The following SUCLG2 variants were observed in gnomAD, a reference collection of about 807,000 sequenced individuals.
The protein encoded by SUCLG2 is succinate--CoA ligase [GDP-forming] subunit beta, mitochondrial.
In SUCLG2, 42 loss-of-function variants were observed where a neutral mutation model predicts 47.9. The ratio of observed to expected loss-of-function variants is 0.88; its 90% CI spans 0.69 to 1.14. The LOEUF (loss-of-function observed/expected upper bound fraction) is 1.14, where lower values mean the gene tolerates loss of function less well. Ranked by LOEUF, SUCLG2 falls within the 50% of genes most tolerant of loss-of-function variation. SUCLG2 has a pLI of 0.00. For synonymous variants in SUCLG2, 195 were observed against 197.3 expected (o/e 0.99, Z 0.10); for missense variants, 571 against 525.9 (o/e 1.09, Z -0.84).
At chr3:67,577,554 A>C (rs1431268533) in intron 2 of SUCLG2, among the ~76,000 whole-genome samples, 1 of 152,236 alleles carries the variant, frequency 6.6e-6, no homozygotes, top group Non-Finnish European at 1.5e-5. Flanking sequence ...ATGCTAAATA[A>C]AAGACTTTTC....
At chr3:67,626,653 G>A (rs1197365533) in intron 1 of SUCLG2, among the ~76,000 whole-genome samples, 1 of 152,066 alleles carries the variant, frequency 6.6e-6, no homozygotes, top group African/African-American at 2.4e-5. Context: ...AGTTGCTCAC[G>A]CCTGTAATCC....
intron 1 of SUCLG2, among the ~76,000 whole-genome samples, chr3:67,642,951 T>A (rs61508543): frequency 0.037 from 5,175 of 141,618 alleles, 196 homozygotes; most frequent in African/African-American, 0.093. Context: ...TGTGTGTGTG[T>A]GAGAGAGATG....
At chr3:67,440,738 G>A (rs902363444) in intron 9 of SUCLG2, among the ~76,000 whole-genome samples, 9 of 152,338 alleles carry the variant, frequency 5.9e-5, no homozygotes, top group African/African-American at 2.2e-4. Flanking sequence ...ACAGATACTG[G>A]AGAGGATGTG....
At chr3:67,471,647 T>C (rs1266417456) in intron 9 of SUCLG2, among the ~76,000 whole-genome samples, 3 of 152,052 alleles carry the variant, frequency 2.0e-5, no homozygotes, top group Non-Finnish European at 4.4e-5. Context: ...AGAGAAATGA[T>C]GATGATGAAG....
intron 9 of SUCLG2, among the ~76,000 whole-genome samples, chr3:67,405,753 C>G (rs571635018): frequency 2.6e-5 from 4 of 152,284 alleles, no homozygotes; most frequent in Admixed American, 2.6e-4. Context: ...GTGTATTTTT[C>G]TGGGCAAAGT....
intron 10 of SUCLG2, among the ~76,000 whole-genome samples, chr3:67,393,464 G>C (rs921572429): frequency 1.3e-5 from 2 of 152,148 alleles, no homozygotes; most frequent in African/African-American, 4.8e-5. Context: ...CAGCGAGGCT[G>C]GGGGAGGGGT....
At chr3:67,399,318 C>G (rs74915261) in intron 10 of SUCLG2, among the ~76,000 whole-genome samples, 1 of 152,122 alleles carries the variant, frequency 6.6e-6, no homozygotes, top group Non-Finnish European at 1.5e-5. Flanking sequence ...GAAAAGTGTT[C>G]GTGCAACTGT....
chr3:67,554,847 A>G (rs2107203014), intron 2 of SUCLG2, among the ~76,000 whole-genome samples: 1 of 152,296 alleles, frequency 6.6e-6, no homozygotes, highest in East Asian at 1.9e-4. Flanking sequence ...TATTCCAGGT[A>G]GCCATATATT....
intron 2 of SUCLG2, among the ~76,000 whole-genome samples, chr3:67,581,167 C>T (rs139147286): frequency 3.9e-4 from 59 of 152,278 alleles, no homozygotes; most frequent in Admixed American, 2.2e-3. Context: ...GGAGTTACTG[C>T]GCATGTCACC....
chr3:67,519,044 C>T (rs1324596588), intron 5 of SUCLG2, among the ~76,000 whole-genome samples: 3 of 151,794 alleles, frequency 2.0e-5, no homozygotes, highest in African/African-American at 4.8e-5. Context: ...CATTCAAGGT[C>T]GTTTTGTTAT....
chr3:67,389,060 C>T (rs569120569), intron 10 of SUCLG2, among the ~76,000 whole-genome samples: 7 of 152,052 alleles, frequency 4.6e-5, no homozygotes, highest in South Asian at 4.2e-4. Flanking sequence ...CAATATGTTA[C>T]GGCTAAAAGA....
intron 3 of SUCLG2, 55 bp from the exon 4 acceptor site, chr3:67,528,277 TGA>T: frequency 1.3e-6 from 2 of 1,511,518 alleles, no homozygotes; most frequent in Non-Finnish European, 1.8e-6. Context: ...ATCATTTAAA[TGA>T]GAGTCCTTAC....
intron 9 of SUCLG2, among the ~76,000 whole-genome samples, chr3:67,481,849 G>T (rs1463765292): frequency 6.6e-6 from 1 of 152,122 alleles, no homozygotes; most frequent in Non-Finnish European, 1.5e-5. Flanking sequence ...CTACTTTCTC[G>T]ATTAGCTCCT....
chr3:67,581,535 T>C (rs1234091856), intron 2 of SUCLG2, among the ~76,000 whole-genome samples: 1 of 152,226 alleles, frequency 6.6e-6, no homozygotes, highest in Non-Finnish European at 1.5e-5. Flanking sequence ...ATTCAATCAG[T>C]ATTTACTGAG....
intron 9 of SUCLG2, among the ~76,000 whole-genome samples, chr3:67,434,369 T>C (rs140209513): frequency 2.0e-5 from 3 of 152,070 alleles, no homozygotes; most frequent in African/African-American, 4.8e-5. Flanking sequence ...CTACAAAAAA[T>C]GAAAAACATT....
At chr3:67,408,484 C>A (rs1234076150) in intron 9 of SUCLG2, 10 of 423,488 alleles carry the variant, frequency 2.4e-5, no homozygotes, top group Non-Finnish European at 3.2e-5. Flanking sequence ...TTTATTCCAA[C>A]TTCTCTGAAC....
intron 2 of SUCLG2, among the ~76,000 whole-genome samples, chr3:67,588,390 C>T (rs1320156838): frequency 2.0e-5 from 3 of 152,172 alleles, no homozygotes; most frequent in Non-Finnish European, 4.4e-5. Context: ...AGAAAGTACA[C>T]ACAGCTGAAT....
intron 7 of SUCLG2, among the ~76,000 whole-genome samples, chr3:67,504,644 C>G (rs910959173): frequency 6.6e-6 from 1 of 152,150 alleles, no homozygotes; most frequent in South Asian, 2.1e-4. Context: ...TTAGCATTAT[C>G]CACGCCAGTA....
chr3:67,416,982 C>T (rs12497043), intron 9 of SUCLG2, among the ~76,000 whole-genome samples: 74,613 of 151,544 alleles, frequency 0.49, 18,823 homozygotes, highest in Non-Finnish European at 0.57. Flanking sequence ...TTATTCCTAC[C>T]ATTCAAAAGT....
Sources: gnomAD v4.1 joint callset for allele counts (sites outside exome capture counted in the v4.1 genomes callset) on GRCh38, gnomAD v4.1.1 for gene constraint, MANE v1.5 for transcripts, NCBI Gene and HGNC (gene_info 2026-07-23, HGNC 2026-07-21) for gene names.